Variants in XKR4 observed in about 807,000 individuals in gnomAD.
XKR4 encodes the protein XK related 4, also known as XK-related protein 4.
In XKR4, 12 loss-of-function variants were observed where a neutral mutation model predicts 53.9. The ratio of observed to expected loss-of-function variants is 0.22; its 90% CI spans 0.14 to 0.36. The LOEUF is 0.36. XKR4 is among the 10% of genes least tolerant of loss of function. The pLI, the probability that XKR4 is intolerant of heterozygous loss-of-function variation, is 1.00. For synonymous variants in XKR4, 354 were observed against 362.4 expected (o/e 0.98, Z 0.26); for missense variants, 799 against 859.5 (o/e 0.93, Z 0.88).
chr8:55,169,359 T>G (rs1033510096), intron 1 of XKR4, among the ~76,000 whole-genome samples: 8 of 152,238 alleles, frequency 5.3e-5, no homozygotes, highest in Admixed American at 5.2e-4. Flanking sequence ...AAAATGGCAG[T>G]AATGCCCATC....
At position 55,454,843 on chromosome 8, in the gene XKR4, C is replaced by G. The variant is rs562473255; in HGVS notation, c.1007-68438C>G. On this transcript the variant is annotated intron_variant, in intron 2 of 2. Coordinates refer to ENST00000327381, the MANE Select transcript of XKR4 (RefSeq NM_052898.2). ...AGGTGCGTAAGGCCTCCCTCATCCTCCTCTTCCTCCCACTCAGTGGCATCC... is the reference window on the plus strand; with the variant it reads ...AGGTGCGTAAGGCCTCCCTCATCCTGCTCTTCCTCCCACTCAGTGGCATCC... 8.5e-5 allele frequency: 65 copies of G among 763,974 alleles called. No homozygotes were observed. The African/African-American group carries it at 1.0e-3, about 12-fold the overall frequency. The allele number at this position is 763,974 out of a possible 1,614,324, so 47.3% of individuals were successfully genotyped here. A position where few individuals can be genotyped will look rare whatever the true frequency, so the allele number is the denominator to read the frequency against.
intron 1 of XKR4, among the ~76,000 whole-genome samples, chr8:55,186,794 C>T (rs1420761188): frequency 2.6e-5 from 4 of 151,696 alleles, no homozygotes; most frequent in Admixed American, 2.6e-4. Flanking sequence ...TCCTGTTTTT[C>T]TTGAAGGAAA....
rs74827307 is a variant in XKR4 at position 55,178,253 on chromosome 8, T to C, written c.806+74959T>C. Among the ~76,000 whole-genome samples, 46 of 152,344 alleles carry C rather than the reference T, an allele frequency of 3.0e-4. 1 individual carries two copies. The East Asian group carries it at 8.9e-3, about 29-fold the overall frequency. On this transcript the variant is annotated intron_variant, in intron 1 of 2. Coordinates refer to ENST00000327381, the MANE Select transcript of XKR4 (RefSeq NM_052898.2). Reference sequence around the variant, plus strand: ...ATATAGTTTAATCCTCTCATTGTCTTGGTGAAGTAATCGCTGAGATACATT... The same window carrying C: ...ATATAGTTTAATCCTCTCATTGTCTCGGTGAAGTAATCGCTGAGATACATT...
At position 55,102,866 on chromosome 8, in the gene XKR4, G is replaced by C. The variant is rs745644917; in HGVS notation, c.378G>C (p.Val126=). 1 of 1,612,056 alleles carries C rather than the reference G, an allele frequency of 6.2e-7. No homozygotes were observed. Among genetic ancestry groups the C allele is most frequent in the Non-Finnish European group, 8.5e-7 (1 of 1,179,928 alleles). ...LAAVAVYFAD[V]GTDVWLAVDY... ...CCGTGGCCGTGTACTTCGCGGACGT[G>C]GGCACAGACGTCTGGCTCGCCGTGG... Residue 126 remains valine, a synonymous_variant, in exon 1 of 3, where the codon GTG becomes GTC. Coordinates refer to ENST00000327381, the MANE Select transcript of XKR4 (RefSeq NM_052898.2). The surrounding 1 kb of genome is among the most constrained non-coding windows in gnomAD (Gnocchi z 5.1).
chr8:55,131,247 T>A (rs1816550713), intron 1 of XKR4, among the ~76,000 whole-genome samples: 1 of 152,182 alleles, frequency 6.6e-6, no homozygotes, highest in Non-Finnish European at 1.5e-5. Flanking sequence ...TGCATTTTAA[T>A]GTGTTCCTCA....
At chr8:55,280,968 TG>T (rs1272585571) in intron 1 of XKR4, among the ~76,000 whole-genome samples, 1 of 152,252 alleles carries the variant, frequency 6.6e-6, no homozygotes, top group Non-Finnish European at 1.5e-5. Context: ...ATTCTGTATC[TG>T]AACTAACAGT....
chr8:55,127,723 C>A, intron 1 of XKR4, among the ~76,000 whole-genome samples: 2 of 103,414 alleles, frequency 1.9e-5, no homozygotes, highest in African/African-American at 3.7e-5. Context: ...TAATGCTATC[C>A]CTCCCCCCTC....
chr8:55,204,353 C>T (rs1022779000), intron 1 of XKR4, among the ~76,000 whole-genome samples: 5 of 152,084 alleles, frequency 3.3e-5, no homozygotes, highest in Admixed American at 6.5e-5. Context: ...AACTTTATGT[C>T]GCCATTTAGC....
intron 1 of XKR4, among the ~76,000 whole-genome samples, chr8:55,278,355 C>T (rs1326777677): frequency 7.0e-6 from 1 of 142,098 alleles, no homozygotes; most frequent in Non-Finnish European, 1.5e-5. Context: ...AAAAAAAAAG[C>T]ATACATCATT....
intron 1 of XKR4, among the ~76,000 whole-genome samples, chr8:55,196,634 TTAAA>T (rs1205331202): frequency 6.6e-6 from 1 of 152,248 alleles, no homozygotes; most frequent in Non-Finnish European, 1.5e-5. Context: ...CATGGTTTGC[TTAAA>T]TAATGTTAAG....
intron 2 of XKR4, chr8:55,454,400 A>C (rs758983854): frequency 6.0e-5 from 84 of 1,389,328 alleles, no homozygotes; most frequent in Non-Finnish European, 7.8e-5. Flanking sequence ...AGGAAACAGC[A>C]ATGCCAGGAG....
At chr8:55,522,856 AT>A (rs1806817558) in intron 2 of XKR4, among the ~76,000 whole-genome samples, 4 of 152,216 alleles carry the variant, frequency 2.6e-5, no homozygotes, top group Admixed American at 2.6e-4. Flanking sequence ...TTTGAGTAGC[AT>A]TCCTATTAGC....
At chr8:55,289,264 C>T (rs1326761453) in intron 1 of XKR4, among the ~76,000 whole-genome samples, 1 of 151,824 alleles carries the variant, frequency 6.6e-6, no homozygotes, top group Non-Finnish European at 1.5e-5. Flanking sequence ...GCCTGCAATC[C>T]CCAGCACTTT....
chr8:55,104,745 G>GA (rs11406845), intron 1 of XKR4, among the ~76,000 whole-genome samples: 126,910 of 152,044 alleles, frequency 0.83, 53,032 homozygotes, highest in East Asian at 0.93. Flanking sequence ...ATTGATGTTG[G>GA]AACCTTCATA....
chr8:55,186,370 T>G lies in XKR4; in HGVS notation c.806+83076T>G, dbSNP rs114855545. The stretch of plus-strand genomic sequence containing the variant: ...CAATATTTGCCTTTAAAAATTCAAA[T>G]AGAGGCCGGGCGCTGTGGCTCATGC... On this transcript the variant is annotated intron_variant, in intron 1 of 2. Transcript: ENST00000327381. 3.3e-3 allele frequency among the ~76,000 whole-genome samples: 503 copies of G among 152,264 alleles called. 5 individuals carry two copies. The highest frequency in any genetic ancestry group is 0.011 in the African/African-American group (467 of 41,558).
At chr8:55,169,067 C>T (rs1201774935) in intron 1 of XKR4, among the ~76,000 whole-genome samples, 1 of 152,180 alleles carries the variant, frequency 6.6e-6, no homozygotes, top group East Asian at 1.9e-4. Context: ...TCTTTCTAGA[C>T]ATGTTGCATA....
In XKR4 at chr8:55,396,399, G is replaced by GTTTTTTTTTTTTTTTTTTTTTTT. The variant is rs71256534; in HGVS notation, c.1006+38541_1006+38542insTTTTTTTTTTTTTTTTTTTTTTT. ...TTTTTTTGTGTTTTTTTTTTGTTTGGTTTTTTTTTTTTTTTTTTTGCAGAG... is the reference window on the plus strand; with the variant it reads ...TTTTTTTGTGTTTTTTTTTTGTTTGGTTTTTTTTTTTTTTTTTTTTTTTTTTTTTTTTTTTTTTTTTTGCAGAG... On this transcript the variant is annotated intron_variant, in intron 2 of 2. Coordinates refer to ENST00000327381, the MANE Select transcript of XKR4 (RefSeq NM_052898.2). Among the ~76,000 whole-genome samples, 11 of 88,746 alleles carry GTTTTTTTTTTTTTTTTTTTTTTT rather than the reference G, an allele frequency of 1.2e-4. 2 individuals are homozygous for GTTTTTTTTTTTTTTTTTTTTTTT. Among genetic ancestry groups the GTTTTTTTTTTTTTTTTTTTTTTT allele is most frequent in the African/African-American group, 1.5e-4 (3 of 20,312 alleles). 58.2% of individuals were successfully genotyped at this position (88,746 alleles called of 152,430 possible).
chr8:55,238,677 C>T (rs1257026371), intron 1 of XKR4, among the ~76,000 whole-genome samples: 1 of 152,114 alleles, frequency 6.6e-6, no homozygotes. Context: ...CAGCCACCAA[C>T]TGCCCAGCGA....
intron 1 of XKR4, among the ~76,000 whole-genome samples, chr8:55,289,604 A>AGG (rs1431526926): frequency 2.5e-5 from 3 of 121,002 alleles, no homozygotes; most frequent in Non-Finnish European, 5.1e-5. Flanking sequence ...AAAGAAAGAA[A>AGG]GAAAGAAAGA....
Sources: gnomAD v4.1 joint callset for allele counts (sites outside exome capture counted in the v4.1 genomes callset) on GRCh38, gnomAD v4.1.1 for gene constraint, Gnocchi (gnomAD v3.1) non-coding constraint, MANE v1.5 for transcripts, NCBI Gene and HGNC (gene_info 2026-07-23, HGNC 2026-07-21) for gene names.